NAA38: variants seen among roughly 807,000 people sequenced by gnomAD.
The protein encoded by NAA38 is LSM domain containing 1.
A neutral mutation model predicts 12.6 loss-of-function variants in NAA38; 15 were observed. The ratio of observed to expected loss-of-function variants is 1.19; its 90% CI spans 0.79 to 1.83. NAA38 has a LOEUF of 1.83. Among genes scored for constraint, NAA38 ranks in the 40% most tolerant of loss-of-function variants. The pLI is 0.00. For synonymous variants in NAA38, 88 were observed against 69.9 expected (o/e 1.26, Z -1.29); for missense variants, 183 against 171.7 (o/e 1.07, Z -0.37).
At chr17:7,858,373 A>G, upstream of NAA38, 1 of 1,614,124 alleles carries the variant, frequency 6.2e-7, no homozygotes, top group African/African-American at 1.3e-5. Flanking sequence ...AAGGGCTGGC[A>G]TTGACAGTGG....
upstream of NAA38, chr17:7,859,150 TA>T (rs1365523334): frequency 8.4e-6 from 5 of 596,720 alleles, no homozygotes; most frequent in Non-Finnish European, 1.5e-5. Context: ...TGCATGGATA[TA>T]GTGAGGGGAC....
At chr17:7,871,540 T>C (rs547620205) in intron 2 of NAA38, among the ~76,000 whole-genome samples, 1 of 152,334 alleles carries the variant, frequency 6.6e-6, no homozygotes, top group African/African-American at 2.4e-5. Flanking sequence ...TCTTCCTTTA[T>C]ACCCCCTTAC....
chr17:7,862,859 G>T (rs2078892559), upstream of NAA38: 2 of 152,154 alleles, frequency 1.3e-5, no homozygotes, highest in Admixed American at 1.3e-4. Flanking sequence ...TAGAGTCAGG[G>T]AGACAAGCCT....
chr17:7,882,548 AC>A (rs1399795783), intron 2 of NAA38, among the ~76,000 whole-genome samples: 1 of 152,214 alleles, frequency 6.6e-6, no homozygotes, highest in African/African-American at 2.4e-5. Context: ...GGGGGGGATA[AC>A]CAGATGAACT....
upstream of NAA38, chr17:7,857,621 C>G: frequency 2.9e-6 from 4 of 1,362,912 alleles, no homozygotes; most frequent in Non-Finnish European, 3.8e-6. Context: ...TCGCGAGCTT[C>G]TCCTACTTCT....
At chr17:7,880,437 G>C (rs1967252169) in intron 2 of NAA38, among the ~76,000 whole-genome samples, 1 of 152,194 alleles carries the variant, frequency 6.6e-6, no homozygotes, top group African/African-American at 2.4e-5. Context: ...TTTTCAAAGA[G>C]ACCTGGTTAG....
chr17:7,875,743 T>C (rs1555601356), intron 2 of NAA38, among the ~76,000 whole-genome samples: 1 of 152,158 alleles, frequency 6.6e-6, no homozygotes, highest in Non-Finnish European at 1.5e-5. Flanking sequence ...ACTATCACCA[T>C]TATCCAGAAT....
chr17:7,872,551 C>T lies in NAA38; in HGVS notation c.-65-5993G>A, dbSNP rs138201508. Among the ~76,000 whole-genome samples, 16 of 152,214 alleles carry T rather than the reference C, an allele frequency of 1.1e-4. No individual in the cohort carries two copies. In the East Asian group the frequency reaches 2.7e-3, roughly 26 times the overall value. On this transcript the variant is annotated intron_variant, in intron 2 of 4. Coordinates refer to the NAA38 transcript ENST00000576861. ...CTAATTTTTGTATTTTTAATAGAGACGGGGTTTCACCATGTCGGTCAGGCT... is the reference window on the plus strand; with the variant it reads ...CTAATTTTTGTATTTTTAATAGAGATGGGGTTTCACCATGTCGGTCAGGCT...
At chr17:7,871,924 G>A (rs1238047134) in intron 2 of NAA38, among the ~76,000 whole-genome samples, 1 of 152,132 alleles carries the variant, frequency 6.6e-6, no homozygotes, top group Non-Finnish European at 1.5e-5. Context: ...CAAAGTGCTG[G>A]GATGGCAGGC....
At chr17:7,883,514 A>C (rs948772999) in intron 1 of NAA38, among the ~76,000 whole-genome samples, 5 of 152,234 alleles carry the variant, frequency 3.3e-5, no homozygotes, top group African/African-American at 1.2e-4. Context: ...GATAAAATTT[A>C]TAACAATTAT....
chr17:7,885,054 TGCCCCC>T (rs1450685456), intron 1 of NAA38: 31 of 976,248 alleles, frequency 3.2e-5, no homozygotes, highest in Non-Finnish European at 3.6e-5. Flanking sequence ...CCGCCACCGC[TGCCCCC>T]GCCGCCGCCG....
At chr17:7,857,224 G>T in intron 1 of NAA38, 26 bp from the exon 2 acceptor site, 2 of 1,612,310 alleles carry the variant, frequency 1.2e-6, no homozygotes, top group South Asian at 1.1e-5. Flanking sequence ...CAAGCGCTCA[G>T]ACCGCGCAGC....
chr17:7,880,253 C>G (rs1240820403), intron 2 of NAA38, among the ~76,000 whole-genome samples: 1 of 151,130 alleles, frequency 6.6e-6, no homozygotes, highest in African/African-American at 2.4e-5. Flanking sequence ...GAATAGAGAT[C>G]AAGACAGACA....
intron 2 of NAA38, among the ~76,000 whole-genome samples, chr17:7,872,282 C>G (rs938631339): frequency 1.5e-4 from 23 of 152,168 alleles, no homozygotes; most frequent in Non-Finnish European, 2.9e-4. Context: ...CCCCCAAGAT[C>G]AGGAAAATAT....
At chr17:7,870,564 A>G (rs565999806) in intron 2 of NAA38, among the ~76,000 whole-genome samples, 1 of 152,278 alleles carries the variant, frequency 6.6e-6, no homozygotes, top group East Asian at 1.9e-4. Context: ...ATAGCTCAGA[A>G]GTTGAGTTAC....
At chr17:7,884,457 CATAT>C (rs377079849) in intron 1 of NAA38, among the ~76,000 whole-genome samples, 2,536 of 130,754 alleles carry the variant, frequency 0.019, 52 homozygotes, top group African/African-American at 0.054. Context: ...TATATATATA[CATAT>C]ATATATATAT....
chr17:7,876,526 T>G (rs1967178019), intron 2 of NAA38, among the ~76,000 whole-genome samples: 1 of 152,196 alleles, frequency 6.6e-6, no homozygotes, highest in Non-Finnish European at 1.5e-5. Flanking sequence ...AACTGCCCTT[T>G]TACTTCCTCT....
intron 2 of NAA38, among the ~76,000 whole-genome samples, chr17:7,872,108 T>C (rs757569795): frequency 2.6e-5 from 4 of 152,242 alleles, no homozygotes; most frequent in Non-Finnish European, 5.9e-5. Flanking sequence ...CAGTATTTAC[T>C]GAATAAAATG....
chr17:7,870,095 C>A (rs1024528241), intron 2 of NAA38, among the ~76,000 whole-genome samples: 9 of 152,194 alleles, frequency 5.9e-5, no homozygotes, highest in African/African-American at 2.2e-4. Context: ...TCACAGTGGT[C>A]AATCGAAGAA....
Sources: allele counts gnomAD v4.1 joint callset (sites outside exome capture counted in the v4.1 genomes callset), GRCh38; gene constraint gnomAD v4.1.1; transcripts MANE v1.5; gene names NCBI Gene and HGNC (gene_info 2026-07-23, HGNC 2026-07-21).